The following PTPRO variants were observed in gnomAD, a reference collection of about 807,000 sequenced individuals.
PTPRO encodes protein tyrosine phosphatase receptor type O.
Under a neutral mutation model 145.2 loss-of-function variants are expected in PTPRO, and 62 were observed. The observed-to-expected ratio is 0.43, with a 90% CI of 0.35 to 0.53. PTPRO has a LOEUF of 0.53. Ranked by LOEUF, PTPRO falls within the 20% of genes least tolerant of loss-of-function variation. The probability of loss-of-function intolerance (pLI) is 0.01; values close to 1 mark genes in which losing one functional copy is unlikely to be tolerated. For missense variants in PTPRO, 1,345 were observed against 1,482.7 expected (o/e 0.91, Z 1.53); for synonymous variants, 565 against 514.7 (o/e 1.10, Z -1.32).
At chr12:15,508,814 C>G (rs896549146) in intron 7 of PTPRO, 47 bp downstream of exon 7, 8 of 1,583,394 alleles carry the variant, frequency 5.1e-6, no homozygotes, top group Non-Finnish European at 6.9e-6. Context: ...TTCCTAAGCA[C>G]AACCTTACAG....
chr12:15,490,820 T>C (rs1941985624), intron 2 of PTPRO, among the ~76,000 whole-genome samples: 1 of 152,110 alleles, frequency 6.6e-6, no homozygotes, highest in Non-Finnish European at 1.5e-5. Context: ...CAGGGAAATA[T>C]CAGTGAGAAG....
chr12:15,481,943 T>G (rs1941786567), intron 1 of PTPRO, among the ~76,000 whole-genome samples: 1 of 152,110 alleles, frequency 6.6e-6, no homozygotes, highest in South Asian at 2.1e-4. Flanking sequence ...TGGAAAACAG[T>G]ATGGAGGTTC....
At chr12:15,360,883 TACAC>T (rs1227332421) in intron 1 of PTPRO, among the ~76,000 whole-genome samples, 10 of 135,400 alleles carry the variant, frequency 7.4e-5, no homozygotes, top group South Asian at 2.4e-4. Flanking sequence ...TATACACACA[TACAC>T]ATGTGTATAT....
At chr12:15,491,159 G>C (rs1459357830) in intron 2 of PTPRO, among the ~76,000 whole-genome samples, 2 of 152,142 alleles carry the variant, frequency 1.3e-5, no homozygotes, top group Non-Finnish European at 2.9e-5. Context: ...CCTCAGTCCA[G>C]TCTCTTTTCC....
chr12:15,509,297 TTTTG>T (rs949407266), intron 7 of PTPRO, among the ~76,000 whole-genome samples: 1 of 152,074 alleles, frequency 6.6e-6, no homozygotes, highest in Non-Finnish European at 1.5e-5. Flanking sequence ...TTGGAGGGTT[TTTTG>T]TTTGTTTGTT....
In PTPRO at chr12:15,322,923, C is replaced by G; in HGVS notation, c.75+122C>G. 2 of 951,128 alleles carry G rather than the reference C, an allele frequency of 2.1e-6. No individual in the cohort carries two copies. Among genetic ancestry groups the G allele is most frequent in the Admixed American group, 2.6e-5 (1 of 38,552 alleles). The allele number at this position is 951,128 out of a possible 1,614,324, so 58.9% of individuals were successfully genotyped here. A position where few individuals can be genotyped will look rare whatever the true frequency, so the allele number is the denominator to read the frequency against. The stretch of plus-strand genomic sequence containing the variant: ...ACGATGGCCCAGCCGCGGGAAGCGC[C>G]TGCCGTGCAGCCTGGGCGCACGCTT... On this transcript the variant is annotated intron_variant, in intron 1 of 26. Transcript: ENST00000281171. The surrounding 1 kb of genome is among the most constrained non-coding windows in gnomAD (Gnocchi z 6.3).
intron 16 of PTPRO, among the ~76,000 whole-genome samples, chr12:15,558,943 C>G (rs985646734): frequency 8.6e-5 from 13 of 152,022 alleles, no homozygotes; most frequent in African/African-American, 2.4e-4. Context: ...ATCCATCAAC[C>G]CTTGATGGTG....
chr12:15,589,713 A>G (rs566738094), intron 25 of PTPRO, 123 bp downstream of exon 25: 2 of 1,247,254 alleles, frequency 1.6e-6, no homozygotes, highest in East Asian at 5.0e-5. Flanking sequence ...CCATTTTCTT[A>G]TTGTATATGT....
chr12:15,445,769 C>G lies in PTPRO; in HGVS notation c.76-38205C>G, dbSNP rs192814853. Among the ~76,000 whole-genome samples, 137 of 152,228 alleles carry G rather than the reference C, an allele frequency of 9.0e-4. 2 individuals carry two copies. The highest frequency in any genetic ancestry group is 3.8e-4 in the Non-Finnish European group (26 of 67,986). On this transcript the variant is annotated intron_variant, in intron 1 of 26. Coordinates refer to ENST00000281171, the MANE Select transcript of PTPRO (RefSeq NM_030667.3). ...AACTTAAATTGACATGGGCTTGTTACTCTAAATTTCTACTTGATTTCCTTA... is the reference window on the plus strand; with the variant it reads ...AACTTAAATTGACATGGGCTTGTTAGTCTAAATTTCTACTTGATTTCCTTA...
At chr12:15,456,214 T>C (rs2136388013) in intron 1 of PTPRO, among the ~76,000 whole-genome samples, 1 of 152,326 alleles carries the variant, frequency 6.6e-6, no homozygotes, top group Admixed American at 6.5e-5. Context: ...CTTTTCTACA[T>C]TTATTGAGAT....
At chr12:15,552,282 G>A (rs1224939759) in intron 15 of PTPRO, among the ~76,000 whole-genome samples, 1 of 152,176 alleles carries the variant, frequency 6.6e-6, no homozygotes, top group East Asian at 1.9e-4. Flanking sequence ...ACATTCTCAA[G>A]TAGTTTCTGT....
intron 10 of PTPRO, among the ~76,000 whole-genome samples, chr12:15,521,234 A>G (rs2136516088): frequency 6.6e-6 from 1 of 152,282 alleles, no homozygotes; most frequent in Admixed American, 6.5e-5. Flanking sequence ...TGAGAAAAAA[A>G]AAAAGTGGAA....
chr12:15,443,029 A>C (rs1158635635), intron 1 of PTPRO, among the ~76,000 whole-genome samples: 1 of 152,200 alleles, frequency 6.6e-6, no homozygotes, highest in African/African-American at 2.4e-5. Context: ...AATCCTAAAA[A>C]GAAAGAACAA....
intron 18 of PTPRO, among the ~76,000 whole-genome samples, chr12:15,567,970 AGTTATT>A (rs1241441197): frequency 1.1e-4 from 17 of 152,222 alleles, no homozygotes; most frequent in Non-Finnish European, 2.2e-4. Context: ...TTTATAAATG[AGTTATT>A]GTTATTAAGT....
intron 1 of PTPRO, among the ~76,000 whole-genome samples, chr12:15,451,703 C>A (rs896202730): frequency 6.6e-6 from 1 of 152,142 alleles, no homozygotes; most frequent in African/African-American, 2.4e-5. Context: ...CTTTCAAAAC[C>A]ATGCAAATAC....
At chr12:15,343,747 C>T (rs1170202258) in intron 1 of PTPRO, among the ~76,000 whole-genome samples, 4 of 152,164 alleles carry the variant, frequency 2.6e-5, no homozygotes, top group Admixed American at 2.6e-4. Flanking sequence ...GTCGCCCAGG[C>T]TGGAGTGCAG....
intron 3 of PTPRO, 147 bp downstream of exon 3, chr12:15,497,550 G>T: frequency 1.1e-6 from 1 of 926,390 alleles, no homozygotes; most frequent in Non-Finnish European, 1.6e-6. Flanking sequence ...ATTGATTTAT[G>T]AAAATCGTGT....
At chr12:15,330,082 G>T (rs1212113522) in intron 1 of PTPRO, among the ~76,000 whole-genome samples, 1 of 152,162 alleles carries the variant, frequency 6.6e-6, no homozygotes, top group Non-Finnish European at 1.5e-5. Context: ...ATTCTCTAGG[G>T]GAAGAGGCCT....
chr12:15,589,415 C>G (rs757021104), intron 24 of PTPRO, 40 bp from the exon 25 acceptor site: 2 of 1,612,658 alleles, frequency 1.2e-6, no homozygotes, highest in Non-Finnish European at 1.7e-6. Context: ...AAAAAAGAAG[C>G]ACCATCTGAA....
Sources: allele counts gnomAD v4.1 joint callset (sites outside exome capture counted in the v4.1 genomes callset), GRCh38; gene constraint gnomAD v4.1.1; non-coding constraint Gnocchi (gnomAD v3.1); transcripts MANE v1.5; gene names NCBI Gene and HGNC (gene_info 2026-07-23, HGNC 2026-07-21).